MPRIP: variants seen among roughly 807,000 people sequenced by gnomAD.
MPRIP encodes the protein myosin phosphatase Rho interacting protein.
Under a neutral mutation model 234.9 loss-of-function variants are expected in MPRIP, and 59 were observed. That is an observed-to-expected ratio of 0.25 (90% confidence interval 0.20 to 0.31). The LOEUF is 0.31. Ranked by LOEUF, MPRIP falls within the 10% of genes least tolerant of loss-of-function variation. The probability of loss-of-function intolerance (pLI) is 1.00; values close to 1 mark genes in which losing one functional copy is unlikely to be tolerated. For missense variants in MPRIP, 2,436 were observed against 3,071.0 expected (o/e 0.79, Z 4.89); for synonymous variants, 1,144 against 1,263.9 (o/e 0.91, Z 2.01).
In MPRIP at chr17:17,190,968, T is replaced by A. The variant is rs757347511; in HGVS notation, c.*6074T>A. ...TTGTGACAGAGTTTGTATGGGTTTTTAAAAAAATCTTAGACACCCCTTTTT... is the reference window on the plus strand; with the variant it reads ...TTGTGACAGAGTTTGTATGGGTTTTAAAAAAAATCTTAGACACCCCTTTTT... On this transcript the variant is annotated 3_prime_UTR_variant, in exon 24 of 24. Coordinates refer to ENST00000651222, the MANE Select transcript of MPRIP (RefSeq NM_001364716.4). The A allele has an allele frequency of 1.2e-4, 19 of 152,154 alleles. No individual in the cohort carries two copies. Among genetic ancestry groups the A allele is most frequent in the Non-Finnish European group, 7.4e-5 (5 of 68,010 alleles). 9.4% of individuals were successfully genotyped at this position (152,154 alleles called of 1,614,324 possible). A position where few individuals can be genotyped will look rare whatever the true frequency, so the allele number is the denominator to read the frequency against.
At chr17:17,169,377 AGAGGCCCCTCCACACC>A (rs1467269211) in intron 16 of MPRIP, among the ~76,000 whole-genome samples, 12 of 152,316 alleles carry the variant, frequency 7.9e-5, no homozygotes, top group Non-Finnish European at 1.5e-4. Context: ...TGCATCCATA[AGAGGCCCCTCCACACC>A]GAGGCTGCTT....
intron 1 of MPRIP, among the ~76,000 whole-genome samples, chr17:17,049,851 A>G (rs1567680335): frequency 6.6e-6 from 1 of 152,228 alleles, no homozygotes; most frequent in Non-Finnish European, 1.5e-5. Flanking sequence ...CTGTAATGGA[A>G]GCCACATAGG....
intron 3 of MPRIP, among the ~76,000 whole-genome samples, chr17:17,118,759 A>G (rs1376039469): frequency 6.6e-6 from 1 of 152,150 alleles, no homozygotes; most frequent in Non-Finnish European, 1.5e-5. Flanking sequence ...CTGGGCCTGC[A>G]TGGGATCATG....
At chr17:17,172,074 C>T (rs192748093) in intron 17 of MPRIP, among the ~76,000 whole-genome samples, 6 of 152,364 alleles carry the variant, frequency 3.9e-5, no homozygotes, top group Admixed American at 3.9e-4. Flanking sequence ...CACACTTCGA[C>T]CCCTGACAGC....
intron 5 of MPRIP, among the ~76,000 whole-genome samples, chr17:17,134,424 G>T (rs1597863175): frequency 6.6e-6 from 1 of 152,296 alleles, no homozygotes; most frequent in South Asian, 2.1e-4. Flanking sequence ...GTCGTCCTGG[G>T]GCGGCATCCC....
chr17:17,096,293 GTGT>G, intron 3 of MPRIP, among the ~76,000 whole-genome samples: 1 of 2,020 alleles, frequency 5.0e-4, no homozygotes, highest in Non-Finnish European at 1.7e-3. Context: ...TGCAGGGTGT[GTGT>G]GTGTGTGTGT....
chr17:17,142,565 GCTCACTGCCACCTCACAGCTCAC>G (rs1411780592), intron 7 of MPRIP, 39 bp from the exon 8 acceptor site: 5 of 1,582,520 alleles, frequency 3.2e-6, no homozygotes, highest in African/African-American at 2.7e-5. Flanking sequence ...GGAGGAGTCG[GCTCACTGCCACCTCACAGCTCAC>G]CTCACTGCCA....
chr17:17,184,751 TGGTCC>T lies in MPRIP; in HGVS notation c.7207-61_7207-57del, dbSNP rs1037692259. ...TGCCGGCTCCACCAGCGGTCCGGTC[TGGTCC>T]GGTCCGGTCCAGTGCAGGGGGTCTA... On this transcript the variant is annotated intron_variant, in intron 23 of 23. Transcript: ENST00000651222. 15 of 1,216,764 alleles carry T rather than the reference TGGTCC, an allele frequency of 1.2e-5. No homozygotes were observed. The African/African-American group carries it at 1.5e-4, about 12-fold the overall frequency. 75.4% of individuals were successfully genotyped at this position (1,216,764 alleles called of 1,614,324 possible).
intron 23 of MPRIP, 95 bp from the exon 24 acceptor site, chr17:17,184,728 C>G: frequency 1.1e-6 from 1 of 894,224 alleles, no homozygotes. Flanking sequence ...CTGACTGATG[C>G]CGGCTCCACC....
At chr17:17,064,223 A>T (rs1300428809) in intron 1 of MPRIP, among the ~76,000 whole-genome samples, 6 of 143,730 alleles carry the variant, frequency 4.2e-5, no homozygotes, top group African/African-American at 1.1e-4. Flanking sequence ...TTTTTTTGAG[A>T]TGGAGTCTAT....
In MPRIP at chr17:17,192,427, T is replaced by TTTGGGGG. The variant is rs56270914; in HGVS notation, c.*7533_*7534insTTGGGGG. ...ACCAGCTGAGCTGCTGCTTTTTTTTTGGGGGGGGGGGGGGGAGGGGCGTCT... is the reference window on the plus strand; with the variant it reads ...ACCAGCTGAGCTGCTGCTTTTTTTTTTTGGGGGGGGGGGGGGGGGGGGAGGGGCGTCT... On this transcript the variant is annotated 3_prime_UTR_variant, in exon 24 of 24. Transcript: ENST00000651222. The TTTGGGGG allele has an allele frequency of 4.2e-4, 2 of 4,814 alleles. No individual in the cohort carries two copies. Among genetic ancestry groups the TTTGGGGG allele is most frequent in the Non-Finnish European group, 5.2e-4 (1 of 1,922 alleles). The allele number at this position is 4,814 out of a possible 1,614,324, so 0.3% of individuals were successfully genotyped here.
intron 1 of MPRIP, among the ~76,000 whole-genome samples, chr17:17,068,753 A>G (rs1030471179): frequency 1.3e-5 from 2 of 149,616 alleles, no homozygotes; most frequent in African/African-American, 4.9e-5. Flanking sequence ...CTGGTCTCAA[A>G]CTCCTGACCT....
In MPRIP at chr17:17,063,522, G is replaced by A. The variant is rs191866010; in HGVS notation, c.124-12188G>A. ...GTGAGGGGGCATGGGACCATAGAGG[G>A]CCTTCTGGGTGGCAGGATGTGATGG... On this transcript the variant is annotated intron_variant, in intron 1 of 23. Coordinates refer to ENST00000651222, the MANE Select transcript of MPRIP (RefSeq NM_001364716.4). Among the ~76,000 whole-genome samples, 26 of 152,234 alleles carry A rather than the reference G, an allele frequency of 1.7e-4. No homozygotes were observed. In the East Asian group the frequency reaches 4.8e-3, roughly 28 times the overall value.
At chr17:17,156,021 T>A (rs539265589) in intron 13 of MPRIP, among the ~76,000 whole-genome samples, 321 of 152,360 alleles carry the variant, frequency 2.1e-3, no homozygotes, top group Non-Finnish European at 3.1e-3. Flanking sequence ...CAGACAGAGC[T>A]TATCACGGGG....
chr17:17,158,294 TTAGG>T, intron 13 of MPRIP, 134 bp from the exon 14 acceptor site: 1 of 593,750 alleles, frequency 1.7e-6, no homozygotes, highest in Non-Finnish European at 2.8e-6. Flanking sequence ...CTCCCTGCAC[TTAGG>T]AAGCTGGGAT....
At chr17:17,137,794 T>C (rs1300475917) in intron 6 of MPRIP, 122 bp from the exon 7 acceptor site, 9 of 749,198 alleles carry the variant, frequency 1.2e-5, no homozygotes, top group Non-Finnish European at 1.8e-5. Context: ...GTGCTGGATG[T>C]TAGAGACGGG....
chr17:17,117,554 G>T (rs1340233387), intron 3 of MPRIP, among the ~76,000 whole-genome samples: 2 of 152,192 alleles, frequency 1.3e-5, no homozygotes, highest in Non-Finnish European at 2.9e-5. Flanking sequence ...TTCTTTTTAT[G>T]GCTGAATAAA....
At chr17:17,155,462 T>C (rs1024825896) in intron 13 of MPRIP, among the ~76,000 whole-genome samples, 2 of 152,178 alleles carry the variant, frequency 1.3e-5, no homozygotes, top group African/African-American at 4.8e-5. Context: ...CAGGCTGGTC[T>C]TGAACTCGTG....
chr17:17,126,676 G>A (rs377105206), intron 3 of MPRIP, 26 bp from the exon 4 acceptor site: 4 of 1,598,674 alleles, frequency 2.5e-6, no homozygotes, highest in Non-Finnish European at 3.4e-6. Context: ...CTGGCCTCTG[G>A]GTGACTCTCT....
Sources: allele counts gnomAD v4.1 joint callset (sites outside exome capture counted in the v4.1 genomes callset), GRCh38; gene constraint gnomAD v4.1.1; transcripts MANE v1.5; gene names NCBI Gene and HGNC (gene_info 2026-07-23, HGNC 2026-07-21).